SLC43A2: variants seen among roughly 807,000 people sequenced by gnomAD.
The protein encoded by SLC43A2 is large neutral amino acids transporter small subunit 4.
A neutral mutation model predicts 63.2 loss-of-function variants in SLC43A2; 38 were observed. The ratio of observed to expected loss-of-function variants is 0.60; its 90% confidence interval spans 0.46 to 0.79. The LOEUF (loss-of-function observed/expected upper bound fraction) is 0.79. SLC43A2 is among the 30% of genes least tolerant of loss of function. SLC43A2 has a pLI of 0.00. For missense variants in SLC43A2, 644 were observed against 756.2 expected (o/e 0.85, Z 1.74); for synonymous variants, 322 against 331.0 (o/e 0.97, Z 0.30).
chr17:1,626,353 C>T (rs561705479), intron 2 of SLC43A2, among the ~76,000 whole-genome samples: 41 of 152,078 alleles, frequency 2.7e-4, no homozygotes, highest in Non-Finnish European at 4.4e-4. Flanking sequence ...AAGCAGAAAG[C>T]TTGTTCAGGG....
At chr17:1,609,503 G>A (rs1008925858) in intron 5 of SLC43A2, among the ~76,000 whole-genome samples, 19 of 152,106 alleles carry the variant, frequency 1.2e-4, no homozygotes, top group African/African-American at 4.6e-4. Context: ...CGCCCGGCCA[G>A]ATAACATTTT....
At chr17:1,579,330 G>A (rs1197354824) in intron 11 of SLC43A2, among the ~76,000 whole-genome samples, 1 of 150,942 alleles carries the variant, frequency 6.6e-6, no homozygotes, top group Non-Finnish European at 1.5e-5. Flanking sequence ...GTGTGGTGGC[G>A]GGCGCCTGTA....
intron 2 of SLC43A2, among the ~76,000 whole-genome samples, chr17:1,625,314 C>G (rs1364531460): frequency 6.6e-6 from 1 of 152,200 alleles, no homozygotes; most frequent in African/African-American, 2.4e-5. Context: ...TGGCGAGATT[C>G]TGGCTGGAGT....
At chr17:1,592,073 C>T (rs1386127873) in intron 6 of SLC43A2, among the ~76,000 whole-genome samples, 1 of 152,234 alleles carries the variant, frequency 6.6e-6, no homozygotes. Context: ...CGGGAACCGG[C>T]CAGCCCCGTC....
intron 5 of SLC43A2, among the ~76,000 whole-genome samples, chr17:1,609,535 A>G (rs560309551): frequency 7.0e-4 from 107 of 152,304 alleles, no homozygotes; most frequent in Non-Finnish European, 1.9e-4. Flanking sequence ...TTAACAGTAC[A>G]TATTAAATTT....
chr17:1,617,104 C>T (rs1907751717), intron 2 of SLC43A2, among the ~76,000 whole-genome samples: 1 of 152,164 alleles, frequency 6.6e-6, no homozygotes, highest in Non-Finnish European at 1.5e-5. Context: ...GCTGAGAGTC[C>T]CATTCGAGAG....
At chr17:1,579,883 C>T (rs1382529740) in intron 11 of SLC43A2, among the ~76,000 whole-genome samples, 3 of 151,770 alleles carry the variant, frequency 2.0e-5, no homozygotes, top group African/African-American at 7.3e-5. Context: ...AACCTCATCC[C>T]TTCCTAATTA....
chr17:1,618,801 A>G (rs943969461), intron 2 of SLC43A2, among the ~76,000 whole-genome samples: 3 of 152,194 alleles, frequency 2.0e-5, no homozygotes, highest in African/African-American at 7.2e-5. Flanking sequence ...CCTGGCCAAC[A>G]TGGTGAAGCC....
chr17:1,592,869 C>A (rs764956999), intron 6 of SLC43A2, among the ~76,000 whole-genome samples: 1 of 152,092 alleles, frequency 6.6e-6, no homozygotes, highest in Non-Finnish European at 1.5e-5. Context: ...AGGGGAGCAG[C>A]GGGAGACCAG....
chr17:1,605,042 A>C lies in SLC43A2; in HGVS notation c.501+8153T>G. ...GGAAGGACCAGCTTTGCTGCCAAGC[A>C]GGAAGCCGGAGCTGTTTCCTGACTC... On this transcript the variant is annotated intron_variant, in intron 5 of 13. Transcript: ENST00000301335. The surrounding 1 kb of genome is among the most constrained non-coding windows in gnomAD (Gnocchi z 4.9). 7.1e-7 allele frequency: 1 copy of C among 1,416,500 alleles called. No individual in the cohort carries two copies. The highest frequency in any genetic ancestry group is 9.2e-7 in the Non-Finnish European group (1 of 1,086,894). The allele number at this position is 1,416,500 out of a possible 1,614,324, so 87.7% of individuals were successfully genotyped here. A position where few individuals can be genotyped will look rare whatever the true frequency, so the allele number is the denominator to read the frequency against.
Position 1,578,186 on chromosome 17 carries a change from C to A in SLC43A2, c.1424+64G>T. On this transcript the variant is annotated intron_variant, in intron 12 of 13. Transcript: ENST00000301335. This position sits in a 1 kb window ranked among gnomAD's most constrained non-coding sequence, Gnocchi z 6.5. ...TGCCTCAGAGTCTCAGTCCCACCAGCAACCTCCCCCCGGCCATTCCCACAC... is the reference window on the plus strand; with the variant it reads ...TGCCTCAGAGTCTCAGTCCCACCAGAAACCTCCCCCCGGCCATTCCCACAC... The A allele has an allele frequency of 6.5e-7, 1 of 1,533,310 alleles. No individual in the cohort carries two copies. The allele number at this position is 1,533,310 out of a possible 1,614,324, so 95.0% of individuals were successfully genotyped here. A position where few individuals can be genotyped will look rare whatever the true frequency, so the allele number is the denominator to read the frequency against.
At position 1,578,526 on chromosome 17, in the gene SLC43A2, T is replaced by C; in HGVS notation, c.1351-203A>G. 1 of 550,018 alleles carries C rather than the reference T, an allele frequency of 1.8e-6. No homozygotes were observed. Among genetic ancestry groups the C allele is most frequent in the Non-Finnish European group, 3.2e-6 (1 of 307,730 alleles). 34.1% of individuals were successfully genotyped at this position (550,018 alleles called of 1,614,324 possible). Reference sequence around the variant, plus strand: ...CAGTCATTTTTTGTTTGTTTGTTTGTTTTGTTTTTTGTTTTGTTTGAGAAG... The same window carrying C: ...CAGTCATTTTTTGTTTGTTTGTTTGCTTTGTTTTTTGTTTTGTTTGAGAAG... On this transcript the variant is annotated intron_variant, in intron 11 of 13. Transcript: ENST00000301335. The surrounding 1 kb of genome is among the most constrained non-coding windows in gnomAD (Gnocchi z 6.5).
At chr17:1,591,162 AGGGCGGGC>A in intron 8 of SLC43A2, 99 bp downstream of exon 8, 1 of 1,429,642 alleles carries the variant, frequency 7.0e-7, no homozygotes, top group South Asian at 1.3e-5. Flanking sequence ...TCTGCAGAAC[AGGGCGGGC>A]GGGGCCGCCT....
intron 8 of SLC43A2, 90 bp from the exon 9 acceptor site, chr17:1,591,038 A>T: frequency 7.0e-7 from 1 of 1,436,178 alleles, no homozygotes; most frequent in Non-Finnish European, 9.5e-7. Context: ...GGAGGCCAGG[A>T]GGGGGCCCTC....
At position 1,581,955 on chromosome 17, in the gene SLC43A2, T is replaced by C. The variant is rs369595249; in HGVS notation, c.1350+1249A>G. 8.2e-4 allele frequency among the ~76,000 whole-genome samples: 125 copies of C among 151,786 alleles called. 1 individual carries two copies. The East Asian group carries it at 9.4e-3, about 11-fold the overall frequency. ...CTGAGTAGCTGGGATTACAGGCATG[T>C]GCCACCACGCCCAGCTAATTTTTGT... On this transcript the variant is annotated intron_variant, in intron 11 of 13. Transcript: ENST00000301335.
At chr17:1,589,475 C>T (rs1026576523) in intron 9 of SLC43A2, among the ~76,000 whole-genome samples, 4 of 152,062 alleles carry the variant, frequency 2.6e-5, no homozygotes, top group Non-Finnish European at 5.9e-5. Flanking sequence ...TGTGGTGGCG[C>T]GCACCTGGGG....
In SLC43A2 at chr17:1,606,731, G is replaced by A. The variant is rs1906652796; in HGVS notation, c.501+6464C>T. On this transcript the variant is annotated intron_variant, in intron 5 of 13. Transcript: ENST00000301335. This position sits in a 1 kb window ranked among gnomAD's most constrained non-coding sequence, Gnocchi z 4.7. ...CGTGCCGTCCAGATGTCCCGGGGGA[G>A]GCTGAGGATCCACACCGTGGGGAGT... Among the ~76,000 whole-genome samples the A allele has an allele frequency of 6.6e-6, 1 of 152,194 alleles. No individual in the cohort carries two copies. Among genetic ancestry groups the A allele is most frequent in the Non-Finnish European group, 1.5e-5 (1 of 68,024 alleles).
intron 5 of SLC43A2, among the ~76,000 whole-genome samples, chr17:1,608,995 G>T (rs767153980): frequency 2.0e-5 from 3 of 152,054 alleles, no homozygotes; most frequent in Non-Finnish European, 4.4e-5. Flanking sequence ...ATAGACAAAT[G>T]ACACAAAGAA....
At chr17:1,575,948 C>T (rs1456569766) in intron 13 of SLC43A2, among the ~76,000 whole-genome samples, 183 bp from the exon 14 acceptor site, 5 of 152,204 alleles carry the variant, frequency 3.3e-5, no homozygotes, top group Non-Finnish European at 7.3e-5. Flanking sequence ...GGCCATGTGG[C>T]CACCCTCAGG....
Sources: allele counts gnomAD v4.1 joint callset (sites outside exome capture counted in the v4.1 genomes callset), GRCh38; gene constraint gnomAD v4.1.1; non-coding constraint Gnocchi (gnomAD v3.1); transcripts MANE v1.5; gene names NCBI Gene and HGNC (gene_info 2026-07-23, HGNC 2026-07-21).